The following FHIT variants were observed in gnomAD, a reference collection of about 807,000 sequenced individuals.
The protein encoded by FHIT is bis(5'-adenosyl)-triphosphatase.
Under a neutral mutation model 17.9 loss-of-function variants are expected in FHIT, and 19 were observed. The ratio of observed to expected loss-of-function variants is 1.06; its 90% CI spans 0.74 to 1.56. The LOEUF is 1.56. Among genes scored for constraint, FHIT ranks in the 40% most tolerant of loss-of-function variants. The pLI, the probability that FHIT is intolerant of heterozygous loss-of-function variation, is 0.00. For synonymous variants in FHIT, 81 were observed against 69.7 expected (o/e 1.16, Z -0.81); for missense variants, 248 against 189.2 (o/e 1.31, Z -1.82).
chr3:59,810,314 T>C (rs903420715), intron 8 of FHIT, among the ~76,000 whole-genome samples: 2 of 152,166 alleles, frequency 1.3e-5, no homozygotes, highest in Non-Finnish European at 2.9e-5. Context: ...AATAAGACCC[T>C]GGTGAGAGAC....
intron 3 of FHIT, among the ~76,000 whole-genome samples, chr3:61,014,807 AATAT>A (rs1553798840): frequency 1.6e-4 from 8 of 49,098 alleles, no homozygotes; most frequent in African/African-American, 3.8e-4. Flanking sequence ...AAAAAAAAAA[AATAT>A]ATATATATAT....
At chr3:60,413,910 G>A (rs1702154295) in intron 5 of FHIT, among the ~76,000 whole-genome samples, 1 of 152,084 alleles carries the variant, frequency 6.6e-6, no homozygotes, top group Non-Finnish European at 1.5e-5. Flanking sequence ...GGGATATATT[G>A]GTGAATAAAA....
chr3:60,687,879 A>G (rs929377431), intron 4 of FHIT, among the ~76,000 whole-genome samples: 5 of 152,126 alleles, frequency 3.3e-5, no homozygotes, highest in Non-Finnish European at 1.5e-5. Flanking sequence ...TTCATTGTGA[A>G]GTCTATCTTA....
intron 5 of FHIT, among the ~76,000 whole-genome samples, chr3:60,283,607 A>T (rs1043789029): frequency 3.3e-5 from 5 of 152,100 alleles, no homozygotes; most frequent in African/African-American, 9.7e-5. Context: ...TAGATTTTTT[A>T]AAAATGTTTT....
At chr3:60,672,603 G>T (rs974300495) in intron 4 of FHIT, among the ~76,000 whole-genome samples, 2 of 152,160 alleles carry the variant, frequency 1.3e-5, no homozygotes, top group Non-Finnish European at 2.9e-5. Flanking sequence ...GGGCGTATAC[G>T]TGCAAGTCAC....
At chr3:60,138,700 A>G (rs927644666) in intron 5 of FHIT, among the ~76,000 whole-genome samples, 1 of 152,078 alleles carries the variant, frequency 6.6e-6, no homozygotes, top group Non-Finnish European at 1.5e-5. Flanking sequence ...AAGTACAGAG[A>G]GAACTGGGGA....
At chr3:59,842,873 A>G (rs1004572561) in intron 8 of FHIT, among the ~76,000 whole-genome samples, 1 of 152,018 alleles carries the variant, frequency 6.6e-6, no homozygotes, top group Non-Finnish European at 1.5e-5. Context: ...TTTTTACTAT[A>G]CTGATGGTGT....
chr3:61,014,798 AAAAAAAAAAAT>A (rs2031997336), intron 3 of FHIT, among the ~76,000 whole-genome samples: 1 of 88,642 alleles, frequency 1.1e-5, no homozygotes, highest in African/African-American at 3.3e-5. Flanking sequence ...AAAAAAAAAA[AAAAAAAAAAAT>A]ATATATATAT....
chr3:60,713,876 C>G (rs1482455946), intron 4 of FHIT, among the ~76,000 whole-genome samples: 1 of 151,492 alleles, frequency 6.6e-6, no homozygotes, highest in South Asian at 2.1e-4. Context: ...TGGTACCATT[C>G]CTTCTGAAAC....
At chr3:60,065,506 C>G (rs1702462721) in intron 5 of FHIT, among the ~76,000 whole-genome samples, 1 of 152,150 alleles carries the variant, frequency 6.6e-6, no homozygotes, top group Admixed American at 6.5e-5. Context: ...TCATAAAGCT[C>G]TTAATCATTA....
intron 5 of FHIT, among the ~76,000 whole-genome samples, chr3:60,230,390 A>C (rs964047259): frequency 6.6e-6 from 1 of 152,196 alleles, no homozygotes; most frequent in Admixed American, 6.5e-5. Context: ...ATGCTCACCT[A>C]AGTTGTAAGA....
intron 2 of FHIT, among the ~76,000 whole-genome samples, chr3:61,177,063 G>A (rs936784954): frequency 1.3e-5 from 2 of 151,980 alleles, no homozygotes; most frequent in African/African-American, 4.8e-5. Flanking sequence ...TGTAGTCCCA[G>A]CTACTTGGGA....
chr3:60,588,203 T>G (rs1204965917), intron 4 of FHIT, among the ~76,000 whole-genome samples: 4 of 152,178 alleles, frequency 2.6e-5, no homozygotes, highest in Admixed American at 1.3e-4. Flanking sequence ...AGGGCCATTC[T>G]CTCAGCCCTT....
intron 8 of FHIT, among the ~76,000 whole-genome samples, chr3:59,844,744 G>T (rs1226784383): frequency 1.3e-5 from 2 of 152,074 alleles, no homozygotes; most frequent in Non-Finnish European, 2.9e-5. Flanking sequence ...GAAGATTTTT[G>T]TAGCAATGTT....
chr3:59,932,649 G>C (rs12490525), intron 7 of FHIT, among the ~76,000 whole-genome samples: 13,115 of 151,988 alleles, frequency 0.086, 717 homozygotes, highest in Admixed American at 0.12. Flanking sequence ...TAAGAAAACA[G>C]GTGTTGAGAG....
chr3:60,920,361 T>C (rs1201516126), intron 3 of FHIT, among the ~76,000 whole-genome samples: 1 of 152,172 alleles, frequency 6.6e-6, no homozygotes, highest in African/African-American at 2.4e-5. Context: ...GTATTTCATA[T>C]GAGTTGTCCA....
At chr3:60,969,778 T>C (rs1465251160) in intron 3 of FHIT, among the ~76,000 whole-genome samples, 3 of 152,204 alleles carry the variant, frequency 2.0e-5, no homozygotes, top group Non-Finnish European at 4.4e-5. Flanking sequence ...TAAAAATGTA[T>C]ATGCTTATTT....
intron 5 of FHIT, among the ~76,000 whole-genome samples, chr3:60,458,617 G>A (rs150478107): frequency 0.01 from 1,588 of 151,604 alleles, 12 homozygotes; most frequent in Non-Finnish European, 0.014. Context: ...AGAAATCACC[G>A]TTATATATTT....
intron 5 of FHIT, among the ~76,000 whole-genome samples, chr3:60,449,689 T>C (rs1003495709): frequency 1.3e-4 from 20 of 151,784 alleles, no homozygotes; most frequent in African/African-American, 4.4e-4. Context: ...TATCAAAACA[T>C]AAAAAAGATA....
Sources: gnomAD v4.1 joint callset for allele counts (sites outside exome capture counted in the v4.1 genomes callset) on GRCh38, gnomAD v4.1.1 for gene constraint, MANE v1.5 for transcripts, NCBI Gene and HGNC (gene_info 2026-07-23, HGNC 2026-07-21) for gene names.